Variants in DOC2B observed in about 807,000 individuals in gnomAD.
The protein encoded by DOC2B is double C2-like domain-containing protein beta.
Under a neutral mutation model 28.9 loss-of-function variants are expected in DOC2B, and 21 were observed. That is an observed-to-expected ratio of 0.73 (90% CI 0.52 to 1.05). The LOEUF (loss-of-function observed/expected upper bound fraction) is 1.05. Among genes scored for constraint, DOC2B ranks in the 50% least tolerant of loss-of-function variants. DOC2B has a pLI of 0.00. For missense variants in DOC2B, 384 were observed against 421.1 expected, an observed-to-expected ratio of 0.91 and a Z score of 0.77; for synonymous variants, 194 against 178.1, an observed-to-expected ratio of 1.09 and a Z score of -0.71.
intron 1 of DOC2B, among the ~76,000 whole-genome samples, chr17:175,335 G>A (rs1597835550): frequency 6.6e-6 from 1 of 152,254 alleles, no homozygotes; most frequent in Non-Finnish European, 1.5e-5. Context: ...GCCTTCAGCT[G>A]CCTGCATGCT....
rs1414058310 is a variant in DOC2B at position 164,124 on chromosome 17, C to T, written c.528+6G>A. 2.6e-6 allele frequency: 4 copies of T among 1,550,266 alleles called. No individual in the cohort carries two copies. The highest frequency in any genetic ancestry group is 1.4e-5 in the African/African-American group (1 of 73,034). ...CTGGTGGGCAGGCCTGGGTGGAACC[C>T]CTCACCTTACTGGCTCCTGGCAGCA... On this transcript the variant is annotated splice_donor_region_variant and intron_variant, in intron 3 of 8. Transcript: ENST00000613549.
intron 5 of DOC2B, among the ~76,000 whole-genome samples, chr17:157,134 G>A (rs2040145095): frequency 6.6e-6 from 1 of 152,202 alleles, no homozygotes; most frequent in African/African-American, 2.4e-5. Flanking sequence ...CCCCCGGCCT[G>A]GCGCGCTCGG....
chr17:172,009 C>G (rs2040317651), intron 2 of DOC2B, among the ~76,000 whole-genome samples: 2 of 151,912 alleles, frequency 1.3e-5, no homozygotes, highest in Non-Finnish European at 2.9e-5. Context: ...CCGGGCCAGG[C>G]TGCAGAGGGG....
Position 149,105 on chromosome 17 carries a change from T to A in DOC2B, c.1005+6A>T. 1 of 399,352 alleles carries A rather than the reference T, an allele frequency of 2.5e-6. No individual in the cohort carries two copies. The highest frequency in any genetic ancestry group is 3.6e-5 in the East Asian group (1 of 28,060). The allele number at this position is 399,352 out of a possible 1,614,324, so 24.7% of individuals were successfully genotyped here. The stretch of plus-strand genomic sequence containing the variant: ...GCCTTCATGAAGCTTCACCAGCCCC[T>A]CATACCTCATTAAACTCCGGGTTCA... On this transcript the variant is annotated splice_donor_region_variant and intron_variant, in intron 7 of 8. Coordinates refer to ENST00000613549, the MANE Select transcript of DOC2B (RefSeq NM_003585.5).
intron 5 of DOC2B, among the ~76,000 whole-genome samples, chr17:158,582 A>G (rs753078561): frequency 6.6e-5 from 10 of 152,166 alleles, no homozygotes; most frequent in Non-Finnish European, 1.2e-4. Flanking sequence ...CTAGGCTCCA[A>G]TGCCACCTCA....
At chr17:180,984 G>A in intron 1 of DOC2B, 123 bp downstream of exon 1, 1 of 827,264 alleles carries the variant, frequency 1.2e-6, no homozygotes, top group Non-Finnish European at 1.6e-6. Flanking sequence ...CCCGCGGCGG[G>A]GTTGTGAACC....
At chr17:157,625 G>A (rs1042725318) in intron 5 of DOC2B, among the ~76,000 whole-genome samples, 1 of 152,094 alleles carries the variant, frequency 6.6e-6, no homozygotes, top group Non-Finnish European at 1.5e-5. Flanking sequence ...CTATTTTTTG[G>A]TAGAGACAGG....
Position 164,186 on chromosome 17 carries a change from G to T in DOC2B, c.472C>A (p.His158Asn). The T allele has an allele frequency of 6.4e-7, 1 of 1,553,660 alleles. No homozygotes were observed. The highest frequency in any genetic ancestry group is 8.7e-7 in the Non-Finnish European group (1 of 1,147,866). The change falls in exon 3 of 9, where the codon CAC becomes AAC. Residue 158 changes from histidine (H) to asparagine (N), a missense_variant. By Grantham distance (68) the His-to-Asn change is moderately conservative. Transcript: ENST00000613549. ...ACGTAGGGGTCTGCCAGCCCATTGT[G>T]GTCCATTGGCTTCAGGCCCTGGGCA... ...TKAKGLKPMDHNGLADPYVKL... is the reference protein window; with the variant it reads ...TKAKGLKPMDNNGLADPYVKL...
chr17:172,479 C>T, intron 2 of DOC2B, 58 bp downstream of exon 2: 1 of 1,457,016 alleles, frequency 6.9e-7, no homozygotes, highest in Non-Finnish European at 9.4e-7. Flanking sequence ...CCTCCCTGAC[C>T]TAGGCCCTCT....
chr17:147,644 C>T (rs1179774084), intron 8 of DOC2B, 67 bp from the exon 9 acceptor site: 5 of 398,684 alleles, frequency 1.3e-5, no homozygotes, highest in East Asian at 3.6e-5. Context: ...GGGCCCATGC[C>T]CCCTCCCAGG....
intron 5 of DOC2B, among the ~76,000 whole-genome samples, chr17:158,281 C>A (rs1027016986): frequency 3.3e-5 from 5 of 152,076 alleles, no homozygotes; most frequent in African/African-American, 1.2e-4. Flanking sequence ...CAGACAAACC[C>A]AGCTTGAGCC....
At chr17:161,956 G>A in intron 4 of DOC2B, 125 bp downstream of exon 4, 1 of 702,880 alleles carries the variant, frequency 1.4e-6, no homozygotes, top group East Asian at 2.7e-5. Flanking sequence ...CCCCCAAGCT[G>A]GAGTTGCTGG....
chr17:160,580 C>T (rs1037251589), intron 5 of DOC2B, among the ~76,000 whole-genome samples: 7 of 152,148 alleles, frequency 4.6e-5, no homozygotes, highest in Non-Finnish European at 7.3e-5. Context: ...AGGGGGACAA[C>T]GTGCCATCGA....
intron 1 of DOC2B, among the ~76,000 whole-genome samples, chr17:179,398 C>CAAAAAGAAAA (rs1555524953): frequency 7.2e-6 from 1 of 139,036 alleles, no homozygotes; most frequent in African/African-American, 2.6e-5. Context: ...TCAGAGACAG[C>CAAAAAGAAAA]AAAAAAAAGA....
chr17:149,744 G>C (rs2040052779), intron 6 of DOC2B, among the ~76,000 whole-genome samples: 1 of 152,156 alleles, frequency 6.6e-6, no homozygotes, highest in Admixed American at 6.5e-5. Context: ...GACCTCAGGT[G>C]ATCCACCTGC....
At chr17:159,158 C>G (rs2040170798) in intron 5 of DOC2B, among the ~76,000 whole-genome samples, 1 of 151,790 alleles carries the variant, frequency 6.6e-6, no homozygotes, top group Non-Finnish European at 1.5e-5. Context: ...TCAGTATTGA[C>G]TTAAAACAGA....
chr17:178,633 C>T (rs1458572589), intron 1 of DOC2B, among the ~76,000 whole-genome samples: 1 of 152,186 alleles, frequency 6.6e-6, no homozygotes, highest in Non-Finnish European at 1.5e-5. Context: ...CGCCCCTCTT[C>T]GAGATCTGCT....
chr17:152,551 T>A (rs1031744222), intron 6 of DOC2B, among the ~76,000 whole-genome samples: 3 of 152,104 alleles, frequency 2.0e-5, no homozygotes, highest in Non-Finnish European at 2.9e-5. Context: ...GAGGATCGTT[T>A]GAGTCCAGCA....
At chr17:159,843 C>T (rs949809684) in intron 5 of DOC2B, among the ~76,000 whole-genome samples, 1 of 148,334 alleles carries the variant, frequency 6.7e-6, no homozygotes, top group African/African-American at 2.4e-5. Flanking sequence ...CAGACACGTA[C>T]TGACATATGC....
Sources: allele counts gnomAD v4.1 joint callset (sites outside exome capture counted in the v4.1 genomes callset), GRCh38; gene constraint gnomAD v4.1.1; transcripts MANE v1.5; gene names NCBI Gene and HGNC (gene_info 2026-07-23, HGNC 2026-07-21).